SGIP1: variants seen among roughly 807,000 people sequenced by gnomAD.
The protein encoded by SGIP1 is SH3GL interacting endocytic adaptor 1.
In SGIP1, 38 loss-of-function variants were observed where a neutral mutation model predicts 107.5. The observed-to-expected ratio is 0.35, with a 90% confidence interval of 0.27 to 0.46. SGIP1 has a LOEUF of 0.46. Ranked by LOEUF, SGIP1 falls within the 20% of genes least tolerant of loss-of-function variation. SGIP1 has a pLI of 1.00. For synonymous variants in SGIP1, 365 were observed against 366.1 expected (o/e 1.00, Z 0.03); for missense variants, 929 against 1,019.5 (o/e 0.91, Z 1.21).
At chr1:66,541,425 A>G (rs1353235056) in intron 1 of SGIP1, among the ~76,000 whole-genome samples, 1 of 152,214 alleles carries the variant, frequency 6.6e-6, no homozygotes, top group African/African-American at 2.4e-5. Flanking sequence ...CATTCTTCTC[A>G]CACATTTAAT....
intron 1 of SGIP1, among the ~76,000 whole-genome samples, chr1:66,587,468 C>A (rs1341243423): frequency 1.3e-5 from 2 of 151,954 alleles, no homozygotes; most frequent in African/African-American, 4.8e-5. Flanking sequence ...ATCCACTGAG[C>A]TTTTTATTTC....
chr1:66,594,588 TG>T (rs2064254125), intron 1 of SGIP1, among the ~76,000 whole-genome samples: 1 of 152,178 alleles, frequency 6.6e-6, no homozygotes, highest in Admixed American at 6.6e-5. Flanking sequence ...GAGCAGGCTC[TG>T]GGAATGTGGG....
At position 66,631,681 on chromosome 1, in the gene SGIP1, T is replaced by TTC. The variant is rs71058468; in HGVS notation, c.75-1343_75-1342dup. 6.6e-3 allele frequency among the ~76,000 whole-genome samples: 874 copies of TTC among 131,978 alleles called. 6 individuals carry two copies. Among genetic ancestry groups the TTC allele is most frequent in the African/African-American group, 0.012 (424 of 35,090 alleles). 86.6% of individuals were successfully genotyped at this position (131,978 alleles called of 152,430 possible). On this transcript the variant is annotated intron_variant, in intron 2 of 24. Transcript: ENST00000371037. The stretch of plus-strand genomic sequence containing the variant: ...TCTCTCTCTCTTTCTCTCTCTCTCT[T>TTC]TCTCTCTCTCTCTCTCTCTCTCTCT...
chr1:66,660,640 A>G, intron 8 of SGIP1, 116 bp downstream of exon 8: 2 of 1,015,904 alleles, frequency 2.0e-6, no homozygotes, highest in Non-Finnish European at 3.1e-6. Flanking sequence ...TTTGAACTTT[A>G]AAAACAAATC....
intron 17 of SGIP1, among the ~76,000 whole-genome samples, chr1:66,693,287 A>T (rs564993121): frequency 1.0e-3 from 71 of 67,886 alleles, no homozygotes; most frequent in Non-Finnish European, 1.8e-3. Flanking sequence ...AATAAATAAA[A>T]AACAGTAATT....
At chr1:66,606,458 C>T (rs953079503) in intron 1 of SGIP1, among the ~76,000 whole-genome samples, 36 of 152,182 alleles carry the variant, frequency 2.4e-4, no homozygotes, top group African/African-American at 7.9e-4. Flanking sequence ...GCTGCAGGTC[C>T]AGCAAAAGCA....
In SGIP1 at chr1:66,617,508, C is replaced by T. The variant is rs188388726; in HGVS notation, c.11-8339C>T. Among the ~76,000 whole-genome samples the T allele has an allele frequency of 2.6e-3, 401 of 152,276 alleles. 2 individuals carry two copies. Among genetic ancestry groups the T allele is most frequent in the African/African-American group, 9.3e-3 (386 of 41,552 alleles). On this transcript the variant is annotated intron_variant, in intron 1 of 24. Transcript: ENST00000371037. The stretch of plus-strand genomic sequence containing the variant: ...TGAGCATCATAATGAAAAGATATAG[C>T]CAGTCTAGAGTTGCTGTCAATATGC...
intron 18 of SGIP1, among the ~76,000 whole-genome samples, chr1:66,719,091 T>G (rs2093395209): frequency 1.3e-5 from 2 of 152,162 alleles, no homozygotes; most frequent in Non-Finnish European, 2.9e-5. Context: ...TAATTTCAAG[T>G]GTGTTTGTCT....
At chr1:66,588,877 A>G (rs915480598) in intron 1 of SGIP1, among the ~76,000 whole-genome samples, 9 of 151,566 alleles carry the variant, frequency 5.9e-5, no homozygotes, top group Admixed American at 6.6e-5. Flanking sequence ...TTTGAATTTT[A>G]AGGTTTTAAA....
At chr1:66,705,945 G>A (rs2092463275) in intron 18 of SGIP1, among the ~76,000 whole-genome samples, 1 of 151,842 alleles carries the variant, frequency 6.6e-6, no homozygotes, top group African/African-American at 2.4e-5. Flanking sequence ...CTGGGTGACG[G>A]GTTGACGGGT....
chr1:66,581,873 A>G (rs2061873114), intron 1 of SGIP1, among the ~76,000 whole-genome samples: 1 of 152,082 alleles, frequency 6.6e-6, no homozygotes, highest in Non-Finnish European at 1.5e-5. Flanking sequence ...GACAAAGGAC[A>G]CTAATTAGGA....
intron 12 of SGIP1, among the ~76,000 whole-genome samples, chr1:66,675,827 C>T (rs1207393653): frequency 6.6e-6 from 1 of 152,056 alleles, no homozygotes; most frequent in Non-Finnish European, 1.5e-5. Context: ...AGCCACCATG[C>T]CTGGCCTAGA....
chr1:66,650,388 T>C (rs1336688588), intron 7 of SGIP1, among the ~76,000 whole-genome samples: 2 of 152,172 alleles, frequency 1.3e-5, no homozygotes, highest in Non-Finnish European at 2.9e-5. Flanking sequence ...TCACAAAATA[T>C]ATGTTGAGCA....
chr1:66,739,617 G>A (rs1484352892), intron 22 of SGIP1, 80 bp downstream of exon 22: 5 of 1,434,820 alleles, frequency 3.5e-6, no homozygotes, highest in Non-Finnish European at 4.9e-6. Flanking sequence ...TGCGTGTCCT[G>A]TAGGAGGAGA....
chr1:66,597,982 T>C (rs1220586366), intron 1 of SGIP1, among the ~76,000 whole-genome samples: 1 of 152,074 alleles, frequency 6.6e-6, no homozygotes, highest in African/African-American at 2.4e-5. Flanking sequence ...TAAAGTCCTA[T>C]ATAGTTCAAG....
At chr1:66,589,952 A>G (rs2063353210) in intron 1 of SGIP1, among the ~76,000 whole-genome samples, 1 of 147,464 alleles carries the variant, frequency 6.8e-6, no homozygotes, top group African/African-American at 2.6e-5. Flanking sequence ...TGATGATGGA[A>G]TATTGCAGAT....
At chr1:66,695,244 G>C (rs1360362497) in intron 17 of SGIP1, 190 bp from the exon 18 acceptor site, 5 of 928,836 alleles carry the variant, frequency 5.4e-6, no homozygotes, top group African/African-American at 3.1e-5. Flanking sequence ...TTTGCTTTCT[G>C]TTTCCTGAAC....
Position 66,675,537 on chromosome 1 carries a change from C to CTTTTTTTTTTTTTTTT in SGIP1, c.647-1464_647-1463insTTTTTTTTTTTTTTTT, listed in dbSNP as rs141370211. 1.7e-3 allele frequency among the ~76,000 whole-genome samples: 184 copies of CTTTTTTTTTTTTTTTT among 109,198 alleles called. 29 individuals are homozygous for CTTTTTTTTTTTTTTTT. The highest frequency in any genetic ancestry group is 5.0e-3 in the Middle Eastern group (1 of 202). 71.6% of individuals were successfully genotyped at this position (109,198 alleles called of 152,430 possible). On this transcript the variant is annotated intron_variant, in intron 12 of 24. Transcript: ENST00000371037. The stretch of plus-strand genomic sequence containing the variant: ...TTTCGTTGTTTTTCTTTTTCTTTTT[C>CTTTTTTTTTTTTTTTT]TTTCTTTTTTTTTTTTTTTTTTGAC...
At chr1:66,616,276 A>G (rs1170750778) in intron 1 of SGIP1, among the ~76,000 whole-genome samples, 3 of 152,198 alleles carry the variant, frequency 2.0e-5, no homozygotes, top group African/African-American at 7.2e-5. Context: ...TCAAATTTTG[A>G]TGTCATATTT....
Sources: allele counts gnomAD v4.1 joint callset (sites outside exome capture counted in the v4.1 genomes callset), GRCh38; gene constraint gnomAD v4.1.1; transcripts MANE v1.5; gene names NCBI Gene and HGNC (gene_info 2026-07-23, HGNC 2026-07-21).